JPH2: variants seen among roughly 807,000 people sequenced by gnomAD.
JPH2 encodes the protein junctophilin 2.
Under a neutral mutation model 55.9 loss-of-function variants are expected in JPH2, and 38 were observed. The ratio of observed to expected loss-of-function variants is 0.68; its 90% confidence interval spans 0.52 to 0.89. The LOEUF (loss-of-function observed/expected upper bound fraction) is 0.89. Ranked by LOEUF, JPH2 falls within the 40% of genes least tolerant of loss-of-function variation. The probability of loss-of-function intolerance (pLI) is 0.00; values close to 1 mark genes in which losing one functional copy is unlikely to be tolerated. For missense variants in JPH2, 964 were observed against 1,037.6 expected, an observed-to-expected ratio of 0.93 and a Z score of 0.97; for synonymous variants, 480 against 472.4, an observed-to-expected ratio of 1.02 and a Z score of -0.21.
rs1344821817 is a variant in JPH2, at chr20:44,113,247, C to T, written c.*271G>A. The T allele has an allele frequency of 1.3e-5, 2 of 152,334 alleles. No homozygotes were observed. Among genetic ancestry groups the T allele is most frequent in the African/African-American group, 4.8e-5 (2 of 41,412 alleles). The allele number at this position is 152,334 out of a possible 1,614,324, so 9.4% of individuals were successfully genotyped here. A position where few individuals can be genotyped will look rare whatever the true frequency, so the allele number is the denominator to read the frequency against. On this transcript the variant is annotated 3_prime_UTR_variant, in exon 6 of 6. Transcript: ENST00000372980. Reference sequence around the variant, plus strand: ...GGGGACAGGAGCAGATCAGGAAGCTCAAGAGACCAGGGCGCTTCTCTCTGG... The same window carrying T: ...GGGGACAGGAGCAGATCAGGAAGCTTAAGAGACCAGGGCGCTTCTCTCTGG...
Position 44,159,683 on chromosome 20 carries a change from G to C in JPH2, c.1104C>G (p.His368Gln). 6.2e-7 allele frequency: 1 copy of C among 1,612,478 alleles called. No homozygotes were observed. The highest frequency in any genetic ancestry group is 8.5e-7 in the Non-Finnish European group (1 of 1,179,960). Residue 368 changes from histidine to glutamine, a missense_variant, in exon 2 of 6, where the codon CAC (histidine) becomes CAG (glutamine). Coordinates refer to ENST00000372980, the MANE Select transcript of JPH2 (RefSeq NM_020433.5). The surrounding 1 kb of genome is among the most constrained non-coding windows in gnomAD (Gnocchi z 5.7). ...CGGCGCGCTGGGCACCCTCCACACT[G>C]TGCTCCACTTTCTGGCGGACCTTGT... Reference protein sequence around the residue: ...KSNKVRQKVEHSVEGAQRAAA... With the variant: ...KSNKVRQKVEQSVEGAQRAAA...
At chr20:44,177,097 C>G (rs1445431345) in intron 1 of JPH2, 1 of 985,432 alleles carries the variant, frequency 1.0e-6, no homozygotes, top group Non-Finnish European at 1.2e-6. Context: ...CAACTCTCAT[C>G]AGTTCCCTTT....
intron 1 of JPH2, chr20:44,178,006 G>A (rs199716047): frequency 3.2e-4 from 278 of 874,736 alleles, no homozygotes; most frequent in Middle Eastern, 4.3e-4. Flanking sequence ...GCTCAGGGAG[G>A]TTACATGGTG....
chr20:44,177,839 T>G, intron 1 of JPH2: 1 of 1,601,852 alleles, frequency 6.2e-7, no homozygotes, highest in Admixed American at 1.7e-5. Context: ...CCTGAATTAA[T>G]TCACCCTTTG....
intron 2 of JPH2, among the ~76,000 whole-genome samples, chr20:44,144,994 G>T (rs1052505673): frequency 1.3e-5 from 2 of 152,082 alleles, no homozygotes; most frequent in African/African-American, 4.8e-5. Context: ...GGTACAGGAA[G>T]CTTAGGGAAA....
At chr20:44,166,542 T>C (rs1412233963) in intron 1 of JPH2, among the ~76,000 whole-genome samples, 4 of 152,148 alleles carry the variant, frequency 2.6e-5, no homozygotes, top group African/African-American at 9.7e-5. Context: ...AAACTGAGAT[T>C]GCAACAGGAG....
In JPH2 at chr20:44,162,561, C is replaced by CTAG. The variant is rs566314030; in HGVS notation, c.380-2157_380-2155dup. On this transcript the variant is annotated intron_variant, in intron 1 of 5. Coordinates refer to ENST00000372980, the MANE Select transcript of JPH2 (RefSeq NM_020433.5). ...AAGCAGGCAGAAAAATGTGAAAAGCCTAGACTGGCTTAGCCTCCCAGCCTA... is the reference window on the plus strand; with the variant it reads ...AAGCAGGCAGAAAAATGTGAAAAGCCTAGTAGACTGGCTTAGCCTCCCAGCCTA... 3.2e-3 allele frequency among the ~76,000 whole-genome samples: 478 copies of CTAG among 151,572 alleles called. 6 individuals are homozygous for CTAG. Among genetic ancestry groups the CTAG allele is most frequent in the East Asian group, 0.028 (144 of 5,144 alleles).
intron 1 of JPH2, among the ~76,000 whole-genome samples, chr20:44,161,451 C>T (rs555289675): frequency 6.6e-6 from 1 of 152,130 alleles, no homozygotes; most frequent in Non-Finnish European, 1.5e-5. Context: ...GTTCAGAGCA[C>T]AAACTCCAGA....
intron 2 of JPH2, among the ~76,000 whole-genome samples, chr20:44,133,782 C>A (rs1181892955): frequency 2.0e-5 from 3 of 146,500 alleles, no homozygotes; most frequent in African/African-American, 7.6e-5. Flanking sequence ...CTTCTTAGAG[C>A]TGGAAGGCAT....
intron 2 of JPH2, among the ~76,000 whole-genome samples, chr20:44,130,659 G>A (rs990443610): frequency 6.6e-6 from 1 of 152,130 alleles, no homozygotes; most frequent in South Asian, 2.1e-4. Flanking sequence ...AAAACCACAC[G>A]GGGAAACTTC....
intron 1 of JPH2, among the ~76,000 whole-genome samples, chr20:44,183,410 T>G (rs756678913): frequency 6.6e-6 from 1 of 152,218 alleles, no homozygotes; most frequent in South Asian, 2.1e-4. Flanking sequence ...GTAGCAGCCA[T>G]AGGCACCTGC....
rs7268512 is a variant in JPH2 at position 44,118,614 on chromosome 20, G to A, written c.1179C>T (p.His393=). The A allele has an allele frequency of 0.088, 142,198 of 1,608,650 alleles. 6,948 individuals are homozygous for A. The highest frequency in any genetic ancestry group is 0.1 in the Non-Finnish European group (118,776 of 1,178,828). Reference sequence around the variant, plus strand: ...CCGCTGCCTCAGCTTTGGCCTTGGCGTGGCTTGTCCTATGGAGACAATGTG... The same window carrying A: ...CCGCTGCCTCAGCTTTGGCCTTGGCATGGCTTGTCCTATGGAGACAATGTG... The part of the protein sequence containing the change: ...KAEIAASRTS[H]AKAKAEAAEQ... The change falls in exon 3 of 6, where the codon CAC becomes CAT. Residue 393 remains histidine (H), a synonymous_variant. Transcript: ENST00000372980.
intron 1 of JPH2, among the ~76,000 whole-genome samples, chr20:44,175,240 A>C (rs2072725007): frequency 6.6e-6 from 1 of 152,198 alleles, no homozygotes; most frequent in Admixed American, 6.5e-5. Flanking sequence ...AACACTACCT[A>C]GCACCTAGCA....
intron 1 of JPH2, chr20:44,177,272 C>T (rs773321140): frequency 3.0e-6 from 3 of 986,010 alleles, no homozygotes; most frequent in Non-Finnish European, 3.6e-6. Flanking sequence ...ACACCCCACC[C>T]TCAACCAGGG....
In JPH2 at chr20:44,128,095, C is replaced by T. The variant is rs997314862; in HGVS notation, c.1170-9472G>A. The stretch of plus-strand genomic sequence containing the variant: ...CTTTTCACTTTCTTCCTTTGAAGTA[C>T]AAAAGTTATTTTATTTTAATGGAGT... On this transcript the variant is annotated intron_variant, in intron 2 of 5. Transcript: ENST00000372980. Among the ~76,000 whole-genome samples the T allele has an allele frequency of 4.6e-5, 7 of 152,136 alleles. No homozygotes were observed. The East Asian group carries it at 1.2e-3, about 25-fold the overall frequency.
intron 5 of JPH2, among the ~76,000 whole-genome samples, chr20:44,114,180 C>T (rs2072168171): frequency 6.6e-6 from 1 of 152,142 alleles, no homozygotes; most frequent in African/African-American, 2.4e-5. Flanking sequence ...GGAACTTACC[C>T]CAGCCCCCAG....
intron 1 of JPH2, among the ~76,000 whole-genome samples, chr20:44,181,896 G>A (rs2072786827): frequency 6.6e-6 from 1 of 152,216 alleles, no homozygotes; most frequent in Admixed American, 6.5e-5. Flanking sequence ...GATTTGCTGT[G>A]AAGACAGGGA....
At chr20:44,153,251 T>C (rs1372803881) in intron 2 of JPH2, among the ~76,000 whole-genome samples, 1 of 152,228 alleles carries the variant, frequency 6.6e-6, no homozygotes, top group Non-Finnish European at 1.5e-5. Context: ...ACCGGCCCTT[T>C]ACATGAGCTA....
At chr20:44,115,084 C>A (rs1407532150) in intron 4 of JPH2, among the ~76,000 whole-genome samples, 3 of 152,088 alleles carry the variant, frequency 2.0e-5, no homozygotes, top group Non-Finnish European at 4.4e-5. Flanking sequence ...CCCTCAGGAC[C>A]CAGGGAGGGA....
Sources: allele counts gnomAD v4.1 joint callset (sites outside exome capture counted in the v4.1 genomes callset), GRCh38; gene constraint gnomAD v4.1.1; non-coding constraint Gnocchi (gnomAD v3.1); transcripts MANE v1.5; gene names NCBI Gene and HGNC (gene_info 2026-07-23, HGNC 2026-07-21).